Variants in DCBLD1 observed in about 807,000 individuals in gnomAD.
The protein encoded by DCBLD1 is discoidin, CUB and LCCL domain containing 1.
Under a neutral mutation model 71.5 loss-of-function variants are expected in DCBLD1, and 57 were observed. The ratio of observed to expected loss-of-function variants is 0.80; its 90% confidence interval spans 0.64 to 0.99. The LOEUF is 0.99. Among genes scored for constraint, DCBLD1 ranks in the 50% least tolerant of loss-of-function variants. DCBLD1 has a pLI of 0.00. For synonymous variants in DCBLD1, 380 were observed against 363.8 expected, an observed-to-expected ratio of 1.04 and a Z score of -0.51; for missense variants, 891 against 923.5, an observed-to-expected ratio of 0.96 and a Z score of 0.46.
At chr6:117,515,020 GT>G (rs757426605) in intron 2 of DCBLD1, among the ~76,000 whole-genome samples, 132 of 136,972 alleles carry the variant, frequency 9.6e-4, no homozygotes, top group Middle Eastern at 7.5e-3. Flanking sequence ...CAGTTTGTGG[GT>G]TTTTTTTTTT....
intron 14 of DCBLD1, among the ~76,000 whole-genome samples, chr6:117,547,008 G>T (rs1027063731): frequency 3.3e-5 from 5 of 152,122 alleles, no homozygotes. Flanking sequence ...CCTCTCATTG[G>T]TAACAAATTC....
In DCBLD1 at chr6:117,543,167, T is replaced by A; in HGVS notation, c.1401T>A (p.Val467=). Residue 467 remains valine (V), a synonymous_variant, in exon 12 of 15, where the codon GTT becomes GTA. Transcript: ENST00000338728. ...TTVAIPLVLL[V]VLVFAGMGIF... is the part of the protein sequence containing the mutation. ...TGGCTATTCCATTGGTGCTCCTTGTTGTCCTGGTGTTTGCTGGAATGGGGA... is the reference window on the plus strand; with the variant it reads ...TGGCTATTCCATTGGTGCTCCTTGTAGTCCTGGTGTTTGCTGGAATGGGGA... The A allele has an allele frequency of 6.2e-7, 1 of 1,614,186 alleles. No individual in the cohort carries two copies. Among genetic ancestry groups the A allele is most frequent in the Non-Finnish European group, 8.5e-7 (1 of 1,180,032 alleles).
chr6:117,536,826 T>C (rs1472876051), intron 6 of DCBLD1, among the ~76,000 whole-genome samples: 1 of 152,198 alleles, frequency 6.6e-6, no homozygotes, highest in Non-Finnish European at 1.5e-5. Context: ...CAATAATTAA[T>C]TGAGATGTAA....
At chr6:117,500,694 G>A (rs1287994747) in intron 1 of DCBLD1, among the ~76,000 whole-genome samples, 3 of 152,062 alleles carry the variant, frequency 2.0e-5, no homozygotes, top group East Asian at 1.9e-4. Flanking sequence ...GTGAAACCCC[G>A]TCTCTACTAA....
chr6:117,518,496 T>C (rs899867330), intron 2 of DCBLD1, among the ~76,000 whole-genome samples: 3 of 152,214 alleles, frequency 2.0e-5, no homozygotes, highest in African/African-American at 7.2e-5. Context: ...CACCCCACTC[T>C]ACTGGCACCA....
intron 14 of DCBLD1, chr6:117,547,647 C>A: frequency 2.7e-6 from 2 of 730,176 alleles, no homozygotes; most frequent in Non-Finnish European, 5.0e-6. Context: ...TGAAGTATGT[C>A]CCCATGCCCC....
In DCBLD1 at chr6:117,537,239, T is replaced by A. The variant is rs1204040878; in HGVS notation, c.760+14T>A. 1.9e-6 allele frequency: 3 copies of A among 1,613,490 alleles called. No homozygotes were observed. In the African/African-American group the frequency reaches 4.0e-5, roughly 22 times the overall value. On this transcript the variant is annotated intron_variant, in intron 7 of 14. Coordinates refer to ENST00000338728, the MANE Select transcript of DCBLD1 (RefSeq NM_001366458.2). ...TTACCTCCAATGGTAAGGATCATGCTTTCCTTAAGAATTTGATATTTTCGG... is the reference window on the plus strand; with the variant it reads ...TTACCTCCAATGGTAAGGATCATGCATTCCTTAAGAATTTGATATTTTCGG...
chr6:117,557,900 C>T (rs756804392), intron 14 of DCBLD1, among the ~76,000 whole-genome samples: 8 of 152,230 alleles, frequency 5.3e-5, no homozygotes, highest in Non-Finnish European at 1.2e-4. Context: ...CATCTCCCAT[C>T]CTGGCTTTAC....
chr6:117,482,892 G>C lies in DCBLD1; in HGVS notation c.111G>C (p.Leu37=). The part of the protein sequence containing the change: ...SAPLRLQAEE[L]GDGCGHLVTY... ...CGCTCCGGCTGCAGGCGGAGGAGCT[G>C]GGTGAGTGGAGCGCGTCCGGCTGGC... The change falls in exon 1 of 15, where the codon CTG becomes CTC. Residue 37 remains leucine, a splice_region_variant and synonymous_variant. Coordinates refer to ENST00000338728, the MANE Select transcript of DCBLD1 (RefSeq NM_001366458.2). The C allele has an allele frequency of 8.3e-7, 1 of 1,199,452 alleles. No individual in the cohort carries two copies. The highest frequency in any genetic ancestry group is 1.0e-6 in the Non-Finnish European group (1 of 964,106). 74.3% of individuals were successfully genotyped at this position (1,199,452 alleles called of 1,614,324 possible).
intron 5 of DCBLD1, among the ~76,000 whole-genome samples, chr6:117,530,064 C>T (rs950448960): frequency 3.3e-5 from 5 of 152,066 alleles, no homozygotes; most frequent in South Asian, 2.1e-4. Context: ...GTATGAAGAC[C>T]GGGGATCCCA....
At chr6:117,541,947 C>G (rs1261067877) in intron 11 of DCBLD1, among the ~76,000 whole-genome samples, 1 of 152,122 alleles carries the variant, frequency 6.6e-6, no homozygotes, top group Non-Finnish European at 1.5e-5. Context: ...GACCATTCCC[C>G]TGCTGTTGGA....
intron 2 of DCBLD1, among the ~76,000 whole-genome samples, chr6:117,508,520 A>T (rs1005029376): frequency 1.3e-5 from 2 of 152,340 alleles, no homozygotes; most frequent in Middle Eastern, 3.4e-3. Flanking sequence ...CTTTGCATTC[A>T]TACTAAAGAT....
intron 2 of DCBLD1, among the ~76,000 whole-genome samples, chr6:117,508,874 C>G (rs1012058333): frequency 2.0e-5 from 3 of 152,144 alleles, no homozygotes; most frequent in Non-Finnish European, 2.9e-5. Flanking sequence ...GGAGGTTGTT[C>G]TGATGGAGAC....
chr6:117,545,398 G>T (rs902566192), intron 13 of DCBLD1, 80 bp from the exon 14 acceptor site: 7 of 1,562,800 alleles, frequency 4.5e-6, no homozygotes, highest in Non-Finnish European at 5.2e-6. Flanking sequence ...CCTGACCTCT[G>T]ACTCATCAAG....
intron 11 of DCBLD1, among the ~76,000 whole-genome samples, 191 bp downstream of exon 11, chr6:117,541,216 T>A (rs1340031922): frequency 2.0e-5 from 3 of 152,178 alleles, no homozygotes; most frequent in Non-Finnish European, 4.4e-5. Flanking sequence ...AGAAAAAGAT[T>A]AGGAATGAAC....
intron 1 of DCBLD1, among the ~76,000 whole-genome samples, chr6:117,499,340 G>A (rs1207504392): frequency 6.6e-6 from 1 of 151,408 alleles, no homozygotes; most frequent in African/African-American, 2.4e-5. Context: ...CTCAGAGGTC[G>A]AGGGTGCAGT....
chr6:117,519,785 GA>G (rs749457970), intron 2 of DCBLD1, 30 bp from the exon 3 acceptor site: 5 of 1,591,378 alleles, frequency 3.1e-6, no homozygotes. Flanking sequence ...TATAAATTTT[GA>G]AATGTGCCAC....
At chr6:117,487,627 T>G (rs767170330) in intron 1 of DCBLD1, among the ~76,000 whole-genome samples, 3 of 151,780 alleles carry the variant, frequency 2.0e-5, no homozygotes, top group Non-Finnish European at 4.4e-5. Context: ...CAGTCTCAAA[T>G]AAAAAAAGAA....
intron 1 of DCBLD1, among the ~76,000 whole-genome samples, chr6:117,483,725 C>A (rs1197847917): frequency 1.3e-5 from 2 of 151,132 alleles, no homozygotes; most frequent in African/African-American, 4.9e-5. Context: ...ATAGCAAGGG[C>A]CAGCTTTCTG....
Sources: gnomAD v4.1 joint callset for allele counts (sites outside exome capture counted in the v4.1 genomes callset) on GRCh38, gnomAD v4.1.1 for gene constraint, MANE v1.5 for transcripts, NCBI Gene and HGNC (gene_info 2026-07-23, HGNC 2026-07-21) for gene names.